Variants in KIF24 observed in about 807,000 individuals in gnomAD.
The protein encoded by KIF24 is kinesin-like protein KIF24.
A neutral mutation model predicts 118.9 loss-of-function variants in KIF24; 81 were observed. The ratio of observed to expected loss-of-function variants is 0.68; its 90% CI spans 0.57 to 0.82. KIF24 has a LOEUF of 0.82. KIF24 is among the 40% of genes least tolerant of loss of function. The pLI, the probability that KIF24 is intolerant of heterozygous loss-of-function variation, is 0.00. For missense variants in KIF24, 1,560 were observed against 1,661.6 expected, an observed-to-expected ratio of 0.94 and a Z score of 1.06; for synonymous variants, 599 against 610.0, an observed-to-expected ratio of 0.98 and a Z score of 0.27.
upstream of KIF24, among the ~76,000 whole-genome samples, chr9:34,329,848 G>T (rs1837837189): frequency 7.1e-6 from 1 of 141,772 alleles, no homozygotes; most frequent in Non-Finnish European, 1.5e-5. Context: ...GTCGGAGTGG[G>T]GATAGGGTGG....
intron 3 of KIF24, among the ~76,000 whole-genome samples, chr9:34,300,405 G>C (rs1053217484): frequency 1.7e-4 from 25 of 149,396 alleles, no homozygotes; most frequent in Admixed American, 6.7e-5. Flanking sequence ...GTCTCACTTT[G>C]TTGCCCAGGT....
chr9:34,318,985 C>T lies in KIF24; in HGVS notation c.-25-7614G>A. ...CCAAGGTCACCAAGGACATGGAGTG[C>T]ATGGATGGCGCCCTGCTTGTCAACA... is the stretch of plus-strand genomic sequence containing the variant. On this transcript the variant is annotated intron_variant, in intron 1 of 12. Coordinates refer to ENST00000402558, the MANE Select transcript of KIF24 (RefSeq NM_194313.4). This position sits in a 1 kb window ranked among gnomAD's most constrained non-coding sequence, Gnocchi z 4.9. 2.4e-6 allele frequency: 3 copies of T among 1,267,408 alleles called. No individual in the cohort carries two copies. Among genetic ancestry groups the T allele is most frequent in the Non-Finnish European group, 1.2e-6 (1 of 869,216 alleles). The allele number at this position is 1,267,408 out of a possible 1,614,324, so 78.5% of individuals were successfully genotyped here.
At chr9:34,324,368 G>A (rs1423373419) in intron 1 of KIF24, among the ~76,000 whole-genome samples, 2 of 152,226 alleles carry the variant, frequency 1.3e-5, no homozygotes, top group African/African-American at 2.4e-5. Context: ...AGAACTAAAC[G>A]AGAAAGCATC....
chr9:34,306,869 G>A (rs938447706), intron 2 of KIF24, among the ~76,000 whole-genome samples: 12 of 151,486 alleles, frequency 7.9e-5, no homozygotes, highest in Admixed American at 2.0e-4. Flanking sequence ...AAGTTACAAA[G>A]TAAAGTGTCA....
At chr9:34,299,106 T>C (rs1420702475) in intron 3 of KIF24, among the ~76,000 whole-genome samples, 1 of 151,842 alleles carries the variant, frequency 6.6e-6, no homozygotes, top group Non-Finnish European at 1.5e-5. Context: ...CACACATATA[T>C]AAAAATATAC....
At position 34,310,786 on chromosome 9, in the gene KIF24, G is replaced by A. The variant is rs1212829582; in HGVS notation, c.561C>T (p.Pro187=). 2 of 1,611,006 alleles carry A rather than the reference G, an allele frequency of 1.2e-6. No individual in the cohort carries two copies. Among genetic ancestry groups the A allele is most frequent in the South Asian group, 2.2e-5 (2 of 90,906 alleles). The part of the protein sequence containing the change: ...LSAILGDCDI[P]IIQRISHVSG... ...AAACATGAGAGATTCTTTGAATAAT[G>A]GGAATATCACAATCCCCCAGTATTG... Residue 187 remains proline, a synonymous_variant, in exon 2 of 13, where the codon CCC becomes CCT. Transcript: ENST00000402558.
chr9:34,268,209 G>A (rs1456467725), intron 8 of KIF24, among the ~76,000 whole-genome samples: 1 of 152,012 alleles, frequency 6.6e-6, no homozygotes, highest in African/African-American at 2.4e-5. Context: ...TGTTGCCCAG[G>A]CTGGAGTGCA....
rs750608219 is a variant in KIF24, at chr9:34,263,133, G to T, written c.1483C>A (p.His495Asn). The change falls in exon 9 of 13, where the codon CAT becomes AAT. Residue 495 changes from histidine (H) to asparagine (N), a missense_variant. By Grantham distance (68) the His-to-Asn change is moderately conservative (BLOSUM62 1). Around this residue, in one of 3 missense-constraint regions of KIF24, gnomAD observed 964 missense variants for 988.0 expected, o/e 0.98. Coordinates refer to ENST00000402558, the MANE Select transcript of KIF24 (RefSeq NM_194313.4). ...AGTTTGCTTTGCCTGAAGGGAGTAT[G>T]GGTGTGTTCCTGATCCAGTGCTCGG... ...CIRALDQEHT[H>N]TPFRQSKLTQ... is the part of the protein sequence containing the mutation. 8 of 1,613,288 alleles carry T rather than the reference G, an allele frequency of 5.0e-6. No individual in the cohort carries two copies. The highest frequency in any genetic ancestry group is 6.8e-6 in the Non-Finnish European group (8 of 1,179,624).
At chr9:34,323,940 A>T (rs1470241578) in intron 1 of KIF24, among the ~76,000 whole-genome samples, 1 of 152,246 alleles carries the variant, frequency 6.6e-6, no homozygotes, top group Non-Finnish European at 1.5e-5. Context: ...CATGACATAA[A>T]TTTGTTTTAG....
intron 1 of KIF24, among the ~76,000 whole-genome samples, chr9:34,321,627 G>C (rs1242373706): frequency 1.0e-5 from 1 of 100,256 alleles, no homozygotes; most frequent in Non-Finnish European, 2.0e-5. Flanking sequence ...TTTTTTTAGA[G>C]AAAGCGTCTC....
chr9:34,301,227 AACCTTGACAGAATCAGAGTTCC>A (rs1836694968), intron 3 of KIF24, among the ~76,000 whole-genome samples: 1 of 152,148 alleles, frequency 6.6e-6, no homozygotes, highest in African/African-American at 2.4e-5. Context: ...TGACCTTACT[AACCTTGACAGAATCAGAGTTCC>A]ACAGTTTATT....
chr9:34,264,170 C>A (rs1835197347), intron 8 of KIF24, among the ~76,000 whole-genome samples: 1 of 151,826 alleles, frequency 6.6e-6, no homozygotes, highest in Admixed American at 6.6e-5. Flanking sequence ...GCCTGTAATC[C>A]CAGCACTTTG....
In KIF24 at chr9:34,297,073, G is replaced by A. The variant is rs758157008; in HGVS notation, c.855C>T (p.Thr285=). 1.7e-5 allele frequency: 27 copies of A among 1,596,358 alleles called. No homozygotes were observed. Among genetic ancestry groups the A allele is most frequent in the Non-Finnish European group, 2.2e-5 (26 of 1,169,176 alleles). Residue 285 remains threonine (T), a synonymous_variant, in exon 4 of 13, where the codon ACC becomes ACT. Coordinates refer to ENST00000402558, the MANE Select transcript of KIF24 (RefSeq NM_194313.4). ...YFDEVFGEAC[T]NQDVYMKTTH... is the part of the protein sequence containing the mutation. ...TAGTCTTCATGTATACATCCTGATTGGTGCACGCCTCACCAAAGACTTCAT... is the reference window on the plus strand; with the variant it reads ...TAGTCTTCATGTATACATCCTGATTAGTGCACGCCTCACCAAAGACTTCAT...
upstream of KIF24, among the ~76,000 whole-genome samples, chr9:34,333,198 A>G (rs1393359469): frequency 5.3e-5 from 8 of 152,192 alleles, no homozygotes. Context: ...CTGAGGCTAC[A>G]TTTTACCCCT....
chr9:34,298,259 C>T (rs1836560970), intron 3 of KIF24, among the ~76,000 whole-genome samples: 1 of 151,880 alleles, frequency 6.6e-6, no homozygotes, highest in South Asian at 2.1e-4. Flanking sequence ...AAAAGTGAAA[C>T]AGAGGCCGGG....
At chr9:34,303,424 A>G (rs1348369599) in intron 3 of KIF24, among the ~76,000 whole-genome samples, 2 of 152,238 alleles carry the variant, frequency 1.3e-5, no homozygotes, top group African/African-American at 4.8e-5. Context: ...TATTAAACAG[A>G]TGCTTTTATA....
At chr9:34,304,943 A>C (rs897713077) in intron 3 of KIF24, among the ~76,000 whole-genome samples, 1 of 152,166 alleles carries the variant, frequency 6.6e-6, no homozygotes, top group African/African-American at 2.4e-5. Context: ...AGAGAACAAG[A>C]GAGAGAGAAA....
intron 1 of KIF24, chr9:34,319,012 C>T (rs1414994484): frequency 2.4e-6 from 3 of 1,225,060 alleles, no homozygotes; most frequent in African/African-American, 1.5e-5. Flanking sequence ...TTGTCAACAC[C>T]ATGTTCTTCA....
chr9:34,302,345 C>A (rs1388200771), intron 3 of KIF24, among the ~76,000 whole-genome samples: 1 of 151,926 alleles, frequency 6.6e-6, no homozygotes, highest in Non-Finnish European at 1.5e-5. Flanking sequence ...ACTCTGTCAC[C>A]CAGGTTGGAG....
Sources: gnomAD v4.1 joint callset for allele counts (sites outside exome capture counted in the v4.1 genomes callset) on GRCh38, gnomAD v4.1.1 for gene constraint, gnomAD v4.1.1 regional missense constraint, Gnocchi (gnomAD v3.1) non-coding constraint, MANE v1.5 for transcripts, NCBI Gene and HGNC (gene_info 2026-07-23, HGNC 2026-07-21) for gene names.